Variants in NR2F1 observed in about 807,000 individuals in gnomAD.
NR2F1 encodes the protein nuclear receptor subfamily 2 group F member 1.
In NR2F1, 1 loss-of-function variant was observed where a neutral mutation model predicts 37.7. That is an observed-to-expected ratio of 0.03 (90% confidence interval 0.01 to 0.13). The LOEUF (loss-of-function observed/expected upper bound fraction) is 0.13, where lower values mean the gene tolerates loss of function less well. Ranked by LOEUF, NR2F1 falls within the 10% of genes least tolerant of loss-of-function variation. The pLI, the probability that NR2F1 is intolerant of heterozygous loss-of-function variation, is 1.00. For synonymous variants in NR2F1, 275 were observed against 259.6 expected, an observed-to-expected ratio of 1.06 and a Z score of -0.57; for missense variants, 268 against 578.4, an observed-to-expected ratio of 0.46 and a Z score of 5.50.
Position 93,593,678 on chromosome 5 carries a change from C to G in NR2F1, c.1108C>G (p.Leu370Val). 1 of 1,614,198 alleles carries G rather than the reference C, an allele frequency of 6.2e-7. No homozygotes were observed. Among genetic ancestry groups the G allele is most frequent in the Non-Finnish European group, 8.5e-7 (1 of 1,180,042 alleles). ...CAACCAGCCCAGCCGTTTTGGCAAA[C>G]TGCTGCTGCGACTGCCCTCGCTGCG... ...YPNQPSRFGKLLLRLPSLRTV... is the reference protein window; with the variant it reads ...YPNQPSRFGKVLLRLPSLRTV... Residue 370 changes from leucine (L) to valine (V), a missense_variant, in exon 3 of 3, where the codon CTG (leucine) becomes GTG (valine). By Grantham distance (32) the Leu-to-Val change is conservative. Transcript: ENST00000327111. This position sits in a 1 kb window ranked among gnomAD's most constrained non-coding sequence, Gnocchi z 5.6.
At chr5:93,588,752 G>A (rs1265479298) in intron 2 of NR2F1, among the ~76,000 whole-genome samples, 1 of 151,434 alleles carries the variant, frequency 6.6e-6, no homozygotes, top group East Asian at 1.9e-4. Flanking sequence ...GAGGCGGGGG[G>A]GCGGTGCTGT....
chr5:93,593,013 C>G lies in NR2F1; in HGVS notation c.992-549C>G, dbSNP rs571083525. 1.1e-4 allele frequency among the ~76,000 whole-genome samples: 17 copies of G among 152,230 alleles called. No homozygotes were observed. The South Asian group carries it at 3.3e-3, about 30-fold the overall frequency. On this transcript the variant is annotated intron_variant, in intron 2 of 2. Coordinates refer to ENST00000327111, the MANE Select transcript of NR2F1 (RefSeq NM_005654.6). The surrounding 1 kb of genome is among the most constrained non-coding windows in gnomAD (Gnocchi z 5.6). ...CCCATGTGTTTGTTCACTACACAAT[C>G]TAGGTTCTCCTGGAGGTTTCTGGTT...
In NR2F1 at chr5:93,593,951, G is replaced by T. The variant is rs995055299; in HGVS notation, c.*109G>T. On this transcript the variant is annotated 3_prime_UTR_variant, in exon 3 of 3. Coordinates refer to ENST00000327111, the MANE Select transcript of NR2F1 (RefSeq NM_005654.6). The surrounding 1 kb of genome is among the most constrained non-coding windows in gnomAD (Gnocchi z 5.6). The stretch of plus-strand genomic sequence containing the variant: ...CCGGGAAGTGCAGCGGGCCAGGCAG[G>T]CTGGGTGGGAGGGAGGAGGGCCGAG... 90 of 1,128,646 alleles carry T rather than the reference G, an allele frequency of 8.0e-5. 1 individual carries two copies. The Middle Eastern group carries it at 8.9e-4, about 11-fold the overall frequency. 69.9% of individuals were successfully genotyped at this position (1,128,646 alleles called of 1,614,324 possible).
Position 93,588,056 on chromosome 5 carries a change from G to C in NR2F1, c.603G>C (p.Ser201=), listed in dbSNP as rs1465928263. ...LLLRAEPYPT[S]RYGSQCMQPN... ...TGCGCGCCGAGCCCTACCCCACGTC[G>C]CGCTACGGCAGCCAGTGCATGCAGC... Residue 201 remains serine (S), a synonymous_variant, in exon 2 of 3, where the codon TCG becomes TCC. Transcript: ENST00000327111. 6.2e-7 allele frequency: 1 copy of C among 1,614,028 alleles called. No individual in the cohort carries two copies. The highest frequency in any genetic ancestry group is 1.7e-5 in the Admixed American group (1 of 60,024).
intron 2 of NR2F1, among the ~76,000 whole-genome samples, chr5:93,588,693 A>G (rs1753277006): frequency 6.6e-6 from 1 of 151,088 alleles, no homozygotes. Context: ...GGCCGGGCCT[A>G]GTCGCCCGGA....
At chr5:93,588,589 G>A (rs1486133070) in intron 2 of NR2F1, 145 bp downstream of exon 2, 1 of 421,640 alleles carries the variant, frequency 2.4e-6, no homozygotes, top group Non-Finnish European at 3.2e-6. Flanking sequence ...GCCCGGGTCT[G>A]TGACCCCCGC....
rs778504524 is a variant in NR2F1, at chr5:93,588,218, C to G, written c.765C>G (p.Thr255=). The part of the protein sequence containing the change: ...ITDQVSLLRL[T]WSELFVLNAA... ...ACCAGGTGTCCCTGCTACGCCTCAC[C>G]TGGAGCGAGCTGTTCGTGCTCAACG... Residue 255 remains threonine (T), a synonymous_variant, in exon 2 of 3, where the codon ACC becomes ACG. Coordinates refer to ENST00000327111, the MANE Select transcript of NR2F1 (RefSeq NM_005654.6). 4 of 1,614,026 alleles carry G rather than the reference C, an allele frequency of 2.5e-6. No individual in the cohort carries two copies. The highest frequency in any genetic ancestry group is 2.2e-5 in the South Asian group (2 of 91,088).
chr5:93,594,024 G>A lies in NR2F1; in HGVS notation c.*182G>A, dbSNP rs767749326. 4.1e-5 allele frequency: 24 copies of A among 580,722 alleles called. No individual in the cohort carries two copies. The highest frequency in any genetic ancestry group is 6.7e-5 in the Non-Finnish European group (22 of 330,746). 36.0% of individuals were successfully genotyped at this position (580,722 alleles called of 1,614,324 possible). ...AAATACAATCCGAGCTACAAAGCAT[G>A]GGAAAAAGAGACTCTTTTAGGATCA... On this transcript the variant is annotated 3_prime_UTR_variant, in exon 3 of 3. Coordinates refer to ENST00000327111, the MANE Select transcript of NR2F1 (RefSeq NM_005654.6).
At chr5:93,590,998 C>A (rs1278742330) in intron 2 of NR2F1, among the ~76,000 whole-genome samples, 2 of 152,204 alleles carry the variant, frequency 1.3e-5, no homozygotes, top group East Asian at 3.9e-4. Flanking sequence ...CCATTTTCAG[C>A]ACAATAATAA....
In NR2F1 at chr5:93,588,800, T is replaced by C. The variant is rs1462091454; in HGVS notation, c.991+356T>C. Among the ~76,000 whole-genome samples, 3 of 150,746 alleles carry C rather than the reference T, an allele frequency of 2.0e-5. No homozygotes were observed. In the East Asian group the frequency reaches 5.9e-4, roughly 30 times the overall value. On this transcript the variant is annotated intron_variant, in intron 2 of 2. Transcript: ENST00000327111. ...CTGCGCGCGCGCGCGCGCGTGTGTG[T>C]GTGTGTGTGTGTCTCTGTGTGTGTG...
In NR2F1 at chr5:93,593,415, G is replaced by A; in HGVS notation, c.992-147G>A. 1.3e-6 allele frequency: 1 copy of A among 764,476 alleles called. No individual in the cohort carries two copies. The highest frequency in any genetic ancestry group is 2.2e-6 in the Non-Finnish European group (1 of 463,270). The allele number at this position is 764,476 out of a possible 1,614,324, so 47.4% of individuals were successfully genotyped here. On this transcript the variant is annotated intron_variant, in intron 2 of 2. Transcript: ENST00000327111. The surrounding 1 kb of genome is among the most constrained non-coding windows in gnomAD (Gnocchi z 5.6). The stretch of plus-strand genomic sequence containing the variant: ...AAGAAGGGGATGGAGAGGTATAGGA[G>A]GGTGAATTTTTCTTTTCTCTTTTAC...
chr5:93,583,836 T>A lies in NR2F1; in HGVS notation c.-1188T>A, dbSNP rs891609376. The A allele has an allele frequency of 6.6e-6, 1 of 152,380 alleles. No individual in the cohort carries two copies. The highest frequency in any genetic ancestry group is 2.4e-5 in the African/African-American group (1 of 41,400). 9.4% of individuals were successfully genotyped at this position (152,380 alleles called of 1,614,324 possible). On this transcript the variant is annotated 5_prime_UTR_variant, in exon 1 of 3. Transcript: ENST00000327111. The stretch of plus-strand genomic sequence containing the variant: ...TTTTTGGCAATTATTTTCTTCTGAT[T>A]TTTATTTTTTCTATTTCGCTGTGAT...
At chr5:93,592,280 A>G (rs1023997707) in intron 2 of NR2F1, 6 of 151,932 alleles carry the variant, frequency 3.9e-5, no homozygotes, top group African/African-American at 7.3e-5. Context: ...CCATGCATCA[A>G]TTTTTTCCCA....
intron 2 of NR2F1, among the ~76,000 whole-genome samples, chr5:93,589,058 T>A (rs1753287515): frequency 6.6e-6 from 1 of 152,104 alleles, no homozygotes. Flanking sequence ...ACCATTCATG[T>A]TTGCAGTTGG....
In NR2F1 at chr5:93,583,307, TCTCTCTCTCTCTCTCTC is replaced by T. The variant is rs1448236353; in HGVS notation, c.-1703_-1687del. On this transcript the variant is annotated 5_prime_UTR_variant, in exon 1 of 3. Transcript: ENST00000327111. ...TCTCTCTCTCTCTCTTCTTCTCTTCTCTCTCTCTCTCTCTCTCCTCTCTCTCTCTCCTCTTTCTCCCC... is the reference window on the plus strand; with the variant it reads ...TCTCTCTCTCTCTCTTCTTCTCTTCTCTCTCTCTCTCTCCTCTTTCTCCCC... 1.3e-5 allele frequency: 2 copies of T among 148,958 alleles called. No individual in the cohort carries two copies. The highest frequency in any genetic ancestry group is 4.9e-5 in the African/African-American group (2 of 40,476). 9.2% of individuals were successfully genotyped at this position (148,958 alleles called of 1,614,324 possible). A position where few individuals can be genotyped will look rare whatever the true frequency, so the allele number is the denominator to read the frequency against.
Position 93,584,289 on chromosome 5 carries a change from A to C in NR2F1, c.-735A>C, listed in dbSNP as rs1371792086. ...CCGCAGCAGCTCCGGCGGCAGCTCCAGCGGCGCCTGCAGCCGCGACCTCCT... is the reference window on the plus strand; with the variant it reads ...CCGCAGCAGCTCCGGCGGCAGCTCCCGCGGCGCCTGCAGCCGCGACCTCCT... On this transcript the variant is annotated 5_prime_UTR_variant, in exon 1 of 3. Transcript: ENST00000327111. 1 of 149,054 alleles carries C rather than the reference A, an allele frequency of 6.7e-6. No individual in the cohort carries two copies. The highest frequency in any genetic ancestry group is 6.7e-5 in the Admixed American group (1 of 14,908). 9.2% of individuals were successfully genotyped at this position (149,054 alleles called of 1,614,324 possible).
intron 2 of NR2F1, among the ~76,000 whole-genome samples, chr5:93,590,303 C>A (rs952242855): frequency 1.3e-5 from 2 of 152,170 alleles, no homozygotes; most frequent in South Asian, 2.1e-4. Flanking sequence ...TTTCCTTACA[C>A]CCCCTAAGGT....
At position 93,583,293 on chromosome 5, in the gene NR2F1, CTCT is replaced by C. The variant is rs1341957065; in HGVS notation, c.-1724_-1722del. 4.6e-5 allele frequency: 7 copies of C among 151,134 alleles called. No homozygotes were observed. The highest frequency in any genetic ancestry group is 1.0e-4 in the Non-Finnish European group (7 of 67,724). 9.4% of individuals were successfully genotyped at this position (151,134 alleles called of 1,614,324 possible). A position where few individuals can be genotyped will look rare whatever the true frequency, so the allele number is the denominator to read the frequency against. The stretch of plus-strand genomic sequence containing the variant: ...TGGGTCTCTCTCTCTCTCTCTCTCT[CTCT>C]TCTTCTCTTCTCTCTCTCTCTCTCT... On this transcript the variant is annotated 5_prime_UTR_variant, in exon 1 of 3. Coordinates refer to ENST00000327111, the MANE Select transcript of NR2F1 (RefSeq NM_005654.6).
In NR2F1 at chr5:93,593,597, A is replaced by T. The variant is rs1322562699; in HGVS notation, c.1027A>T (p.Ser343Cys). The change falls in exon 3 of 3, where the codon AGC becomes TGC. Residue 343 changes from serine (S) to cysteine (C), a missense_variant. Ser to Cys is a moderately radical substitution (Grantham distance 112, BLOSUM62 -1). Around this residue, in one of 5 missense-constraint regions of NR2F1, gnomAD observed 99 missense variants for 191.9 expected, o/e 0.52. Transcript: ENST00000327111. This position sits in a 1 kb window ranked among gnomAD's most constrained non-coding sequence, Gnocchi z 5.6. ...CGLSDAAHIESLQEKSQCALE... is the reference protein window; with the variant it reads ...CGLSDAAHIECLQEKSQCALE... The stretch of plus-strand genomic sequence containing the variant: ...CCTGTCGGATGCGGCCCACATCGAG[A>T]GCCTGCAGGAGAAGTCGCAGTGCGC... 1 of 1,613,602 alleles carries T rather than the reference A, an allele frequency of 6.2e-7. No homozygotes were observed. Among genetic ancestry groups the T allele is most frequent in the Non-Finnish European group, 8.5e-7 (1 of 1,179,944 alleles).
Sources: allele counts gnomAD v4.1 joint callset (sites outside exome capture counted in the v4.1 genomes callset), GRCh38; gene constraint gnomAD v4.1.1; regional missense constraint gnomAD v4.1.1; non-coding constraint Gnocchi (gnomAD v3.1); transcripts MANE v1.5; gene names NCBI Gene and HGNC (gene_info 2026-07-23, HGNC 2026-07-21).